Variants in PDE4D observed in about 807,000 individuals in gnomAD.
PDE4D encodes 3',5'-cyclic-AMP phosphodiesterase 4D.
A neutral mutation model predicts 87.4 loss-of-function variants in PDE4D; 24 were observed. The ratio of observed to expected loss-of-function variants is 0.27; its 90% CI spans 0.20 to 0.39. PDE4D has a LOEUF of 0.39. PDE4D is among the 10% of genes least tolerant of loss of function. The pLI is 1.00. For synonymous variants in PDE4D, 384 were observed against 383.2 expected, an observed-to-expected ratio of 1.00 and a Z score of -0.02; for missense variants, 714 against 1,041.0, an observed-to-expected ratio of 0.69 and a Z score of 4.32.
intron 1 of PDE4D, among the ~76,000 whole-genome samples, chr5:59,334,835 C>T (rs1238602122): frequency 6.6e-6 from 1 of 151,930 alleles, no homozygotes; most frequent in Non-Finnish European, 1.5e-5. Context: ...GTGTCTCTTC[C>T]ATGGAAGAGA....
Position 60,302,497 on chromosome 5 carries a change from G to A in PDE4D, c.-89-116810C>T, listed in dbSNP as rs559822725. Among the ~76,000 whole-genome samples, 16 of 152,270 alleles carry A rather than the reference G, an allele frequency of 1.1e-4. No individual in the cohort carries two copies. The South Asian group carries it at 3.3e-3, about 32-fold the overall frequency. On this transcript the variant is annotated intron_variant, in intron 1 of 16. Transcript: ENST00000502484. ...TTCTCTGATGGTTATTTGAATTTCTGTGGAGTCAGTGGTGATATCCCCCTT... is the reference window on the plus strand; with the variant it reads ...TTCTCTGATGGTTATTTGAATTTCTATGGAGTCAGTGGTGATATCCCCCTT...
intron 1 of PDE4D, among the ~76,000 whole-genome samples, chr5:60,305,284 G>C (rs963344364): frequency 1.3e-5 from 2 of 152,028 alleles, no homozygotes; most frequent in Admixed American, 6.6e-5. Flanking sequence ...AAAATGAAAA[G>C]GGAGAGAGAA....
intron 1 of PDE4D, among the ~76,000 whole-genome samples, chr5:59,509,938 AATT>A (rs902745050): frequency 2.0e-5 from 3 of 147,674 alleles, no homozygotes; most frequent in Admixed American, 6.8e-5. Flanking sequence ...TTTTGAATAT[AATT>A]ATATTTTTTG....
At chr5:59,337,953 T>G (rs1377808393) in intron 1 of PDE4D, among the ~76,000 whole-genome samples, 1 of 152,196 alleles carries the variant, frequency 6.6e-6, no homozygotes, top group Non-Finnish European at 1.5e-5. Context: ...ACAAAACACA[T>G]GACTGTAAAC....
chr5:59,498,723 A>G (rs1174444959), intron 1 of PDE4D, among the ~76,000 whole-genome samples: 1 of 152,108 alleles, frequency 6.6e-6, no homozygotes, highest in Non-Finnish European at 1.5e-5. Flanking sequence ...TTCAATAAGA[A>G]GACTTAACTA....
rs144158636 is a variant in PDE4D at position 59,118,487 on chromosome 5, A to C, written c.808+62108T>G. 2.5e-3 allele frequency among the ~76,000 whole-genome samples: 374 copies of C among 152,296 alleles called. 1 individual carries two copies. The highest frequency in any genetic ancestry group is 8.6e-3 in the African/African-American group (359 of 41,536). Reference sequence around the variant, plus strand: ...GTGAATAGAGCAATTCAAACAAATTAATTTATATAAGGTAGGTCTGCTCTA... The same window carrying C: ...GTGAATAGAGCAATTCAAACAAATTCATTTATATAAGGTAGGTCTGCTCTA... On this transcript the variant is annotated intron_variant, in intron 5 of 14. Transcript: ENST00000340635.
intron 3 of PDE4D, among the ~76,000 whole-genome samples, chr5:59,971,794 C>G (rs1477534664): frequency 6.6e-6 from 1 of 152,180 alleles, no homozygotes; most frequent in African/African-American, 2.4e-5. Flanking sequence ...CTAGCAAAGT[C>G]AGGGCACTTT....
At chr5:59,798,357 CA>C (rs201448472) in intron 1 of PDE4D, among the ~76,000 whole-genome samples, 1 of 149,116 alleles carries the variant, frequency 6.7e-6, no homozygotes, top group East Asian at 2.0e-4. Flanking sequence ...ATGTAATCAC[CA>C]AAAAATTTTT....
intron 2 of PDE4D, among the ~76,000 whole-genome samples, chr5:60,011,101 G>A (rs923623094): frequency 3.3e-5 from 5 of 152,152 alleles, no homozygotes; most frequent in African/African-American, 4.8e-5. Flanking sequence ...CAGCTTCACT[G>A]AGGAAAACAG....
chr5:59,467,393 AG>A (rs1314406255), intron 1 of PDE4D, among the ~76,000 whole-genome samples: 5 of 152,230 alleles, frequency 3.3e-5, no homozygotes, highest in Admixed American at 6.5e-5. Context: ...ATGACATTCT[AG>A]GACAGCAGGA....
At chr5:60,427,933 TA>T (rs1267836113) in intron 1 of PDE4D, among the ~76,000 whole-genome samples, 13 of 151,940 alleles carry the variant, frequency 8.6e-5, no homozygotes, top group African/African-American at 3.1e-4. Context: ...AAAAATTAAC[TA>T]GGTGTGGTGG....
intron 3 of PDE4D, among the ~76,000 whole-genome samples, chr5:59,971,080 C>A (rs1463754735): frequency 6.6e-6 from 1 of 151,620 alleles, no homozygotes; most frequent in Admixed American, 6.6e-5. Context: ...AATTGGAAAT[C>A]ATCATTCTCA....
intron 1 of PDE4D, among the ~76,000 whole-genome samples, chr5:59,401,440 G>T (rs536815881): frequency 6.2e-4 from 74 of 120,240 alleles, no homozygotes; most frequent in Non-Finnish European, 1.0e-3. Context: ...ACATATATTA[G>T]AGACTATCTA....
intron 5 of PDE4D, among the ~76,000 whole-genome samples, chr5:59,091,305 T>C (rs903691442): frequency 6.6e-6 from 1 of 152,092 alleles, no homozygotes; most frequent in Non-Finnish European, 1.5e-5. Flanking sequence ...AAATGTACGC[T>C]TATGTGCATC....
intron 2 of PDE4D, among the ~76,000 whole-genome samples, chr5:60,104,217 A>G (rs543212210): frequency 6.6e-5 from 10 of 152,322 alleles, no homozygotes; most frequent in African/African-American, 2.4e-4. Flanking sequence ...CATCCCACAC[A>G]TGGCTTGGAG....
At position 59,112,072 on chromosome 5, in the gene PDE4D, G is replaced by A. The variant is rs116170120; in HGVS notation, c.808+68523C>T. Reference sequence around the variant, plus strand: ...GACATTGGGAATGGTATTAATGTGCGATGCATTTAAAAAATGGGATGGTCA... The same window carrying A: ...GACATTGGGAATGGTATTAATGTGCAATGCATTTAAAAAATGGGATGGTCA... On this transcript the variant is annotated intron_variant, in intron 5 of 14. Transcript: ENST00000340635. Among the ~76,000 whole-genome samples, 339 of 152,206 alleles carry A rather than the reference G, an allele frequency of 2.2e-3. 1 individual carries two copies. Among genetic ancestry groups the A allele is most frequent in the African/African-American group, 7.9e-3 (329 of 41,532 alleles).
intron 2 of PDE4D, among the ~76,000 whole-genome samples, chr5:60,049,950 C>T (rs6874967): frequency 0.014 from 2,136 of 152,308 alleles, 51 homozygotes; most frequent in African/African-American, 0.049. Context: ...CAATGGTGGG[C>T]GCCCCTCCCC....
chr5:60,402,136 T>C (rs1009388394), intron 1 of PDE4D, among the ~76,000 whole-genome samples: 11 of 152,240 alleles, frequency 7.2e-5, no homozygotes, highest in African/African-American at 2.4e-4. Context: ...ATTGTTTCTT[T>C]GTTCCAGCAA....
rs542083093 is a variant in PDE4D, at chr5:59,563,246, C to T, written c.455+329922G>A. ...TACCACACAAAGTGCTTAGCTGTGA[C>T]CGCAGAGGAATTTCAGCATCAAAGG... On this transcript the variant is annotated intron_variant, in intron 1 of 14. Coordinates refer to ENST00000340635, the MANE Select transcript of PDE4D (RefSeq NM_001104631.2). 4.3e-4 allele frequency among the ~76,000 whole-genome samples: 66 copies of T among 152,260 alleles called. No individual in the cohort carries two copies. The South Asian group carries it at 0.013, about 31-fold the overall frequency.
Sources: allele counts gnomAD v4.1 joint callset (sites outside exome capture counted in the v4.1 genomes callset), GRCh38; gene constraint gnomAD v4.1.1; transcripts MANE v1.5; gene names NCBI Gene and HGNC (gene_info 2026-07-23, HGNC 2026-07-21).